The following NUMA1 variants were observed in gnomAD, a reference collection of about 807,000 sequenced individuals.
NUMA1 encodes nuclear mitotic apparatus protein 1.
A neutral mutation model predicts 237.1 loss-of-function variants in NUMA1; 62 were observed. The observed-to-expected ratio is 0.26, with a 90% CI of 0.21 to 0.32. NUMA1 has a LOEUF of 0.32. Ranked by LOEUF, NUMA1 falls within the 10% of genes least tolerant of loss-of-function variation. The pLI, the probability that NUMA1 is intolerant of heterozygous loss-of-function variation, is 1.00. For missense variants in NUMA1, 2,533 were observed against 2,666.5 expected (o/e 0.95, Z 1.10); for synonymous variants, 1,028 against 1,066.1 (o/e 0.96, Z 0.70).
rs114846123 is a variant in NUMA1, at chr11:72,070,486, A to G, written c.-102-575T>C. On this transcript the variant is annotated intron_variant, in intron 1 of 26. Transcript: ENST00000393695. Reference sequence around the variant, plus strand: ...TTATCCAGGAGTGGTAAATTCAAACATCTTCAGGGGTCAGGCAGGTAACAG... The same window carrying G: ...TTATCCAGGAGTGGTAAATTCAAACGTCTTCAGGGGTCAGGCAGGTAACAG... 3.7e-3 allele frequency among the ~76,000 whole-genome samples: 569 copies of G among 152,248 alleles called. 4 individuals are homozygous for G. The highest frequency in any genetic ancestry group is 0.013 in the African/African-American group (550 of 41,546).
intron 2 of NUMA1, among the ~76,000 whole-genome samples, chr11:72,059,979 A>C (rs1216422301): frequency 6.6e-6 from 1 of 152,158 alleles, no homozygotes; most frequent in Admixed American, 6.5e-5. Context: ...ACATCTCCTC[A>C]CATATGCAAC....
Position 72,009,305 on chromosome 11 carries a change from C to G in NUMA1, c.4802G>C (p.Ser1601Thr), listed in dbSNP as rs765325026. Residue 1601 changes from serine to threonine, a missense_variant, in exon 18 of 27, where the codon AGC becomes ACC. Ser to Thr is a moderately conservative substitution (Grantham distance 58). Around this residue, in one of 3 missense-constraint regions of NUMA1, gnomAD observed 795 missense variants for 750.8 expected, o/e 1.06. Transcript: ENST00000393695. ...GTGCTCAGCTGCCTGCTCCTTCTGG[C>G]TCAACTGGGCTTGCAGTTCATTCAG... ...AQLNELQAQLSQKEQAAEHYK... is the reference protein window; with the variant it reads ...AQLNELQAQLTQKEQAAEHYK... 1 of 1,613,554 alleles carries G rather than the reference C, an allele frequency of 6.2e-7. No homozygotes were observed. Among genetic ancestry groups the G allele is most frequent in the Non-Finnish European group, 8.5e-7 (1 of 1,179,966 alleles).
chr11:72,054,877 T>C (rs1942553162), intron 2 of NUMA1, among the ~76,000 whole-genome samples: 1 of 152,158 alleles, frequency 6.6e-6, no homozygotes, highest in Non-Finnish European at 1.5e-5. Context: ...CATGCTTGCT[T>C]GTAAGGCCTG....
intron 16 of NUMA1, among the ~76,000 whole-genome samples, 163 bp from the exon 17 acceptor site, chr11:72,011,017 A>G (rs1956122954): frequency 6.6e-6 from 1 of 152,180 alleles, no homozygotes; most frequent in South Asian, 2.1e-4. Flanking sequence ...CCTGCTGCCC[A>G]GGCTGCTTGG....
chr11:72,060,145 TC>T (rs1279865710), intron 2 of NUMA1, among the ~76,000 whole-genome samples: 1 of 152,102 alleles, frequency 6.6e-6, no homozygotes. Flanking sequence ...CAAGTGTAAT[TC>T]CCCCTACCAG....
intron 1 of NUMA1, among the ~76,000 whole-genome samples, chr11:72,077,813 CAAAAAAA>C (rs374544097): frequency 3.7e-5 from 1 of 26,822 alleles, no homozygotes; most frequent in Admixed American, 3.2e-4. Flanking sequence ...GACTCCATCT[CAAAAAAA>C]AAAAAAAAAC....
At position 72,014,789 on chromosome 11, in the gene NUMA1, A is replaced by G; in HGVS notation, c.2714T>C (p.Leu905Pro). 1 of 1,614,166 alleles carries G rather than the reference A, an allele frequency of 6.2e-7. No individual in the cohort carries two copies. Among genetic ancestry groups the G allele is most frequent in the Non-Finnish European group, 8.5e-7 (1 of 1,180,028 alleles). ...GCTGGTGGCAGCCATCTTTTCCTGC[A>G]GAGTGGAGAGGTCATCTGCAAGCTT... ...AQKLADDLST[L>P]QEKMAATSKE... The change falls in exon 15 of 27, where the codon CTG becomes CCG. Residue 905 changes from leucine to proline, a missense_variant. Transcript: ENST00000393695. This position sits in a 1 kb window ranked among gnomAD's most constrained non-coding sequence, Gnocchi z 4.6.
At chr11:72,038,696 T>C (rs1329352141) in intron 2 of NUMA1, among the ~76,000 whole-genome samples, 3 of 151,500 alleles carry the variant, frequency 2.0e-5, no homozygotes, top group Non-Finnish European at 2.9e-5. Flanking sequence ...GTGATGCTGA[T>C]GGAAAAACAG....
At chr11:72,003,583 TA>T in intron 26 of NUMA1, 45 bp from the exon 27 acceptor site, 1 of 1,613,102 alleles carries the variant, frequency 6.2e-7, no homozygotes, top group Non-Finnish European at 8.5e-7. Flanking sequence ...CTTGCGATAC[TA>T]GCCTGCACCC....
At position 72,008,965 on chromosome 11, in the gene NUMA1, A is replaced by G; in HGVS notation, c.5058+2T>C. ...AGGTGAGTCTGCCAGCCAAATTCTTACCTGTGCCTCCAGGCTGCGCACCTG... is the reference window on the plus strand; with the variant it reads ...AGGTGAGTCTGCCAGCCAAATTCTTGCCTGTGCCTCCAGGCTGCGCACCTG... On this transcript the variant is annotated splice_donor_variant, in intron 19 of 26. Transcript: ENST00000393695. LOFTEE classifies it high-confidence loss of function. 1 of 1,613,808 alleles carries G rather than the reference A, an allele frequency of 6.2e-7. No individual in the cohort carries two copies. The highest frequency in any genetic ancestry group is 8.5e-7 in the Non-Finnish European group (1 of 1,179,944).
At chr11:72,003,750 C>G in intron 26 of NUMA1, 137 bp downstream of exon 26, 1 of 1,039,004 alleles carries the variant, frequency 9.6e-7, no homozygotes, top group South Asian at 1.4e-5. Context: ...GAGGAGCTAC[C>G]AGGACAGGGA....
At chr11:72,024,013 A>G (rs1939239254) in intron 5 of NUMA1, 3 of 424,442 alleles carry the variant, frequency 7.1e-6, no homozygotes, top group Middle Eastern at 6.4e-4. Context: ...TAAAAGTGAC[A>G]GGTCCCAAAA....
Position 72,004,059 on chromosome 11 carries a change from G to T in NUMA1, c.6164C>A (p.Thr2055Lys). The change falls in exon 26 of 27, where the codon ACA becomes AAA. Residue 2055 changes from threonine (T) to lysine (K), a missense_variant. Transcript: ENST00000393695. The part of the protein sequence containing the change: ...RQSMAFSILN[T>K]PKKLGNSLLR... ...AAGGCTGTTCCCTAGCTTCTTGGGT[G>T]TGTTGAGGATGCTGAAGGCCATCGA... 6.2e-7 allele frequency: 1 copy of T among 1,613,610 alleles called. No individual in the cohort carries two copies. Among genetic ancestry groups the T allele is most frequent in the Non-Finnish European group, 8.5e-7 (1 of 1,179,800 alleles).
At chr11:72,059,887 C>A (rs555012428) in intron 2 of NUMA1, among the ~76,000 whole-genome samples, 1 of 152,290 alleles carries the variant, frequency 6.6e-6, no homozygotes, top group East Asian at 1.9e-4. Flanking sequence ...CCCATCTACA[C>A]CCTTCTACCA....
chr11:72,071,988 GA>G (rs1209998949), intron 1 of NUMA1, among the ~76,000 whole-genome samples: 2 of 152,080 alleles, frequency 1.3e-5, no homozygotes, highest in African/African-American at 2.4e-5. Flanking sequence ...ACTACCTAAG[GA>G]AACTGGGCAT....
At chr11:72,006,806 G>A (rs1291277875) in intron 21 of NUMA1, among the ~76,000 whole-genome samples, 2 of 152,210 alleles carry the variant, frequency 1.3e-5, no homozygotes, top group Non-Finnish European at 2.9e-5. Context: ...TTCAAGATGT[G>A]GAAACAAAGG....
chr11:72,027,964 CT>C (rs751033526), intron 4 of NUMA1, among the ~76,000 whole-genome samples: 3 of 152,312 alleles, frequency 2.0e-5, no homozygotes, highest in South Asian at 2.1e-4. Context: ...GAAAATGGTA[CT>C]GTCTGGACCA....
Position 72,021,261 on chromosome 11 carries a change from G to A in NUMA1, c.403C>T (p.Leu135=), listed in dbSNP as rs745747324. 3.7e-6 allele frequency: 6 copies of A among 1,614,214 alleles called. No homozygotes were observed. Among genetic ancestry groups the A allele is most frequent in the Admixed American group, 3.3e-5 (2 of 60,034 alleles). ...AELAVILKFV[L]DHEDGLNLNE... The stretch of plus-strand genomic sequence containing the variant: ...AGGTTTAGCCCGTCCTCATGGTCCA[G>A]CACAAATTTAAGAATGACAGCCAAC... The change falls in exon 8 of 27, where the codon CTG becomes TTG. Residue 135 remains leucine (L), a synonymous_variant. Transcript: ENST00000393695.
At chr11:72,061,856 C>T (rs923980665) in intron 2 of NUMA1, among the ~76,000 whole-genome samples, 6 of 152,072 alleles carry the variant, frequency 3.9e-5, no homozygotes, top group Admixed American at 1.3e-4. Flanking sequence ...TACCCACACA[C>T]CACAATAATA....
Sources: gnomAD v4.1 joint callset for allele counts (sites outside exome capture counted in the v4.1 genomes callset) on GRCh38, gnomAD v4.1.1 for gene constraint, gnomAD v4.1.1 regional missense constraint, Gnocchi (gnomAD v3.1) non-coding constraint, MANE v1.5 for transcripts, NCBI Gene and HGNC (gene_info 2026-07-23, HGNC 2026-07-21) for gene names.